Variants in TMC1 observed in about 807,000 individuals in gnomAD.
The protein encoded by TMC1 is transmembrane channel-like protein 1.
TMC1 carries 84 observed loss-of-function variants against 105.8 expected under a neutral mutation model. The observed-to-expected ratio is 0.79, with a 90% CI of 0.67 to 0.95. TMC1 has a LOEUF of 0.95. Ranked by LOEUF, TMC1 falls within the 40% of genes least tolerant of loss-of-function variation. The pLI, the probability that TMC1 is intolerant of heterozygous loss-of-function variation, is 0.00. For missense variants in TMC1, 817 were observed against 914.1 expected (o/e 0.89, Z 1.37); for synonymous variants, 315 against 311.5 (o/e 1.01, Z -0.12).
chr9:72,779,616 A>G (rs1214728731), intron 13 of TMC1, among the ~76,000 whole-genome samples: 2 of 152,234 alleles, frequency 1.3e-5, no homozygotes, highest in Non-Finnish European at 2.9e-5. Flanking sequence ...TTCATAATAC[A>G]ATTGGAAGTA....
intron 3 of TMC1, among the ~76,000 whole-genome samples, chr9:72,624,057 G>A (rs934537025): frequency 6.6e-6 from 1 of 152,130 alleles, no homozygotes; most frequent in African/African-American, 2.4e-5. Flanking sequence ...AGATGGTTCC[G>A]ATAGATGGTT....
chr9:72,575,960 A>C (rs983010329), intron 1 of TMC1, among the ~76,000 whole-genome samples: 1 of 152,104 alleles, frequency 6.6e-6, no homozygotes, highest in African/African-American at 2.4e-5. Context: ...CCATCAGCTA[A>C]ACAAGTTTTC....
At chr9:72,752,447 A>AACACACACACACAC (rs10640023) in intron 11 of TMC1, among the ~76,000 whole-genome samples, 155 of 149,210 alleles carry the variant, frequency 1.0e-3, no homozygotes, top group South Asian at 3.6e-3. Context: ...TAATGCCCAC[A>AACACACACACACAC]ACACACACAC....
rs372886534 is a variant in TMC1, at chr9:72,541,792, A to G, written c.-428+19879A>G. 3.3e-5 allele frequency among the ~76,000 whole-genome samples: 5 copies of G among 152,266 alleles called. No individual in the cohort carries two copies. In the East Asian group the frequency reaches 9.6e-4, roughly 29 times the overall value. ...AAAATTTCCAGATCAACGGCATTTT[A>G]TGTACTTCTCAGAAACAAGGTATGA... is the stretch of plus-strand genomic sequence containing the variant. On this transcript the variant is annotated intron_variant, in intron 1 of 23. Coordinates refer to ENST00000297784, the MANE Select transcript of TMC1 (RefSeq NM_138691.3).
chr9:72,613,450 A>G (rs1332757724), intron 2 of TMC1, among the ~76,000 whole-genome samples: 1 of 151,974 alleles, frequency 6.6e-6, no homozygotes, highest in Non-Finnish European at 1.5e-5. Flanking sequence ...TTCTTTAGCA[A>G]TTTTGTCACC....
At chr9:72,586,431 T>G (rs1052773760) in intron 2 of TMC1, among the ~76,000 whole-genome samples, 3 of 152,208 alleles carry the variant, frequency 2.0e-5, no homozygotes, top group Non-Finnish European at 4.4e-5. Flanking sequence ...TTCTGTCCTG[T>G]GTGGATCTGT....
intron 4 of TMC1, among the ~76,000 whole-genome samples, chr9:72,635,182 G>A (rs1037735515): frequency 8.6e-5 from 13 of 151,998 alleles, no homozygotes; most frequent in Admixed American, 5.9e-4. Context: ...GAACTCAGGA[G>A]GCAGAGGTTG....
intron 20 of TMC1, among the ~76,000 whole-genome samples, chr9:72,823,792 A>G (rs1444099473): frequency 2.0e-5 from 3 of 152,354 alleles, no homozygotes; most frequent in South Asian, 4.1e-4. Flanking sequence ...TGCTTACATT[A>G]TGACAATTTT....
chr9:72,626,644 C>T (rs1014983905), intron 3 of TMC1, among the ~76,000 whole-genome samples: 3 of 152,036 alleles, frequency 2.0e-5, no homozygotes, highest in African/African-American at 7.2e-5. Context: ...GAGTGTTGTC[C>T]ACAGAGTTAA....
rs1463497660 is a variant in TMC1 at position 72,791,876 on chromosome 9, C to G, written c.1225-10C>G. On this transcript the variant is annotated splice_polypyrimidine_tract_variant and intron_variant, in intron 15 of 23. Coordinates refer to ENST00000297784, the MANE Select transcript of TMC1 (RefSeq NM_138691.3). Reference sequence around the variant, plus strand: ...CATTAACCTAGTTTCTCCCTTGTGCCTCCTTGTAGATGAACATGGTTATGT... The same window carrying G: ...CATTAACCTAGTTTCTCCCTTGTGCGTCCTTGTAGATGAACATGGTTATGT... 1 of 1,610,564 alleles carries G rather than the reference C, an allele frequency of 6.2e-7. No homozygotes were observed. Among genetic ancestry groups the G allele is most frequent in the Non-Finnish European group, 8.5e-7 (1 of 1,178,696 alleles).
At chr9:72,596,884 A>T (rs2132109493) in intron 2 of TMC1, among the ~76,000 whole-genome samples, 1 of 152,364 alleles carries the variant, frequency 6.6e-6, no homozygotes, top group African/African-American at 2.4e-5. Flanking sequence ...GTCTCTGAAA[A>T]GAGCTTATGA....
chr9:72,528,374 G>A (rs1406442433), intron 1 of TMC1, among the ~76,000 whole-genome samples: 1 of 144,636 alleles, frequency 6.9e-6, no homozygotes, highest in African/African-American at 2.6e-5. Flanking sequence ...CGCTCTTGTT[G>A]CCCAGGCTGG....
intron 5 of TMC1, among the ~76,000 whole-genome samples, chr9:72,685,587 C>G (rs375612504): frequency 6.6e-6 from 1 of 152,042 alleles, no homozygotes; most frequent in African/African-American, 2.4e-5. Context: ...TGGTCTTAAA[C>G]TCCTGACCTC....
intron 20 of TMC1, 88 bp from the exon 21 acceptor site, chr9:72,826,781 T>C (rs1262022923): frequency 1.4e-6 from 2 of 1,411,164 alleles, no homozygotes; most frequent in East Asian, 2.3e-5. Context: ...TAAGCAGTAA[T>C]TGAGAAAGAT....
At chr9:72,544,226 G>C (rs1823727095) in intron 1 of TMC1, among the ~76,000 whole-genome samples, 1 of 152,024 alleles carries the variant, frequency 6.6e-6, no homozygotes, top group African/African-American at 2.4e-5. Context: ...TGGGATTACA[G>C]GTGTGAGCCA....
At chr9:72,756,965 G>T (rs765458007) in intron 12 of TMC1, among the ~76,000 whole-genome samples, 1 of 152,152 alleles carries the variant, frequency 6.6e-6, no homozygotes, top group Non-Finnish European at 1.5e-5. Flanking sequence ...TCCCAAGATT[G>T]TATCACTGCC....
intron 18 of TMC1, among the ~76,000 whole-genome samples, chr9:72,806,156 G>A (rs966204882): frequency 1.3e-4 from 20 of 150,576 alleles, no homozygotes; most frequent in East Asian, 4.0e-4. Flanking sequence ...CGGGCGGGGC[G>A]GCTGGCCGGG....
chr9:72,757,980 G>GTT (rs1318158769), intron 12 of TMC1, among the ~76,000 whole-genome samples: 3 of 152,146 alleles, frequency 2.0e-5, no homozygotes, highest in African/African-American at 7.2e-5. Flanking sequence ...GTAAATAAAA[G>GTT]TATTCTGACC....
chr9:72,817,809 T>C (rs111745271), intron 19 of TMC1, among the ~76,000 whole-genome samples: 2 of 152,330 alleles, frequency 1.3e-5, no homozygotes, highest in African/African-American at 4.8e-5. Flanking sequence ...AGTTCTCTCG[T>C]GGGCAGATCC....
Sources: gnomAD v4.1 joint callset for allele counts (sites outside exome capture counted in the v4.1 genomes callset) on GRCh38, gnomAD v4.1.1 for gene constraint, MANE v1.5 for transcripts, NCBI Gene and HGNC (gene_info 2026-07-23, HGNC 2026-07-21) for gene names.